KCNMA1: variants seen among roughly 807,000 people sequenced by gnomAD.
KCNMA1 encodes the protein potassium calcium-activated channel subfamily M alpha 1, also known as Calcium-activated potassium channel subunit alpha-1.
KCNMA1 carries 29 observed loss-of-function variants against 140.0 expected under a neutral mutation model. The observed-to-expected ratio is 0.21, with a 90% CI of 0.15 to 0.28. The LOEUF (loss-of-function observed/expected upper bound fraction) is 0.28. KCNMA1 is among the 10% of genes least tolerant of loss of function. The pLI is 1.00. For synonymous variants in KCNMA1, 612 were observed against 611.9 expected, an observed-to-expected ratio of 1.00 and a Z score of 0.00; for missense variants, 880 against 1,602.2, an observed-to-expected ratio of 0.55 and a Z score of 7.70.
chr10:77,488,947 G>A (rs566720397), intron 1 of KCNMA1, among the ~76,000 whole-genome samples: 2 of 152,298 alleles, frequency 1.3e-5, no homozygotes, highest in Non-Finnish European at 2.9e-5. Flanking sequence ...GCCCAGTGTG[G>A]CTAGCCGGCT....
At chr10:76,930,513 C>T (rs1767362460) in intron 23 of KCNMA1, among the ~76,000 whole-genome samples, 1 of 152,136 alleles carries the variant, frequency 6.6e-6, no homozygotes, top group South Asian at 2.1e-4. Context: ...AACCCTTGTA[C>T]ACTGCTGGTG....
intron 23 of KCNMA1, among the ~76,000 whole-genome samples, chr10:76,924,747 G>C (rs2057164326): frequency 6.6e-6 from 1 of 152,086 alleles, no homozygotes; most frequent in African/African-American, 2.4e-5. Context: ...GAGTTTTCAG[G>C]CTTCCTAGTT....
chr10:77,121,574 T>TAA (rs76163676), intron 5 of KCNMA1, among the ~76,000 whole-genome samples: 3 of 126,102 alleles, frequency 2.4e-5, no homozygotes. Context: ...TTCCTCCCAA[T>TAA]AAAAAAAAAA....
At chr10:77,186,071 T>C (rs1565078474) in intron 3 of KCNMA1, among the ~76,000 whole-genome samples, 1 of 152,164 alleles carries the variant, frequency 6.6e-6, no homozygotes, top group Non-Finnish European at 1.5e-5. Flanking sequence ...CAATACCAGT[T>C]AGTATAGTTG....
At chr10:77,574,854 G>A (rs945298179) in intron 1 of KCNMA1, among the ~76,000 whole-genome samples, 9 of 152,178 alleles carry the variant, frequency 5.9e-5, no homozygotes, top group Non-Finnish European at 1.3e-4. Context: ...TTCCATGTCT[G>A]GTGCTTCATG....
At chr10:77,062,491 T>A (rs1053055960) in intron 14 of KCNMA1, among the ~76,000 whole-genome samples, 1 of 152,232 alleles carries the variant, frequency 6.6e-6, no homozygotes, top group African/African-American at 2.4e-5. Flanking sequence ...TTTCAAATGG[T>A]TGAGACTAAA....
At chr10:77,377,734 G>A (rs2095217163) in intron 2 of KCNMA1, among the ~76,000 whole-genome samples, 1 of 152,176 alleles carries the variant, frequency 6.6e-6, no homozygotes, top group Non-Finnish European at 1.5e-5. Context: ...TCCCTTGCTG[G>A]AGATCCTGGG....
intron 5 of KCNMA1, among the ~76,000 whole-genome samples, chr10:77,150,506 G>A (rs140228538): frequency 6.6e-6 from 1 of 152,286 alleles, no homozygotes; most frequent in African/African-American, 2.4e-5. Context: ...GGGCCAGAAA[G>A]GGACTGTAAG....
chr10:76,954,019 T>C (rs1431305464), intron 20 of KCNMA1, 95 bp from the exon 21 acceptor site: 11 of 1,382,156 alleles, frequency 8.0e-6, no homozygotes, highest in South Asian at 1.2e-5. Flanking sequence ...ATGTGAAAGA[T>C]GCAGAGGAAG....
intron 27 of KCNMA1, among the ~76,000 whole-genome samples, chr10:76,888,807 G>T (rs949923183): frequency 3.9e-5 from 6 of 152,188 alleles, no homozygotes; most frequent in African/African-American, 1.4e-4. Flanking sequence ...GCTCACACCT[G>T]TAAGCCCAGC....
At chr10:77,302,121 C>T (rs1022279232) in intron 2 of KCNMA1, among the ~76,000 whole-genome samples, 2 of 152,026 alleles carry the variant, frequency 1.3e-5, no homozygotes, top group Non-Finnish European at 2.9e-5. Context: ...GAATCAGGCT[C>T]GCATAAGGTC....
chr10:77,369,220 T>C (rs1009456393), intron 2 of KCNMA1, among the ~76,000 whole-genome samples: 2 of 152,176 alleles, frequency 1.3e-5, no homozygotes, highest in African/African-American at 4.8e-5. Flanking sequence ...AATCTGCATC[T>C]TAACAAGAAT....
chr10:77,455,986 G>A (rs1460545479), intron 1 of KCNMA1, among the ~76,000 whole-genome samples: 2 of 152,226 alleles, frequency 1.3e-5, no homozygotes, highest in Non-Finnish European at 2.9e-5. Flanking sequence ...GAATTGAACA[G>A]AAATGATCTG....
In KCNMA1 at chr10:76,891,588, G is replaced by A. The variant is rs2040088843; in HGVS notation, c.3279C>T (p.Ala1093=). Reference sequence around the variant, plus strand: ...GGGCCACGCGGCAGCGGTCCCTATTGGCCAGTGTCTGCGGGGTGCTGTAGC... The same window carrying A: ...GGGCCACGCGGCAGCGGTCCCTATTAGCCAGTGTCTGCGGGGTGCTGTAGC... The part of the protein sequence containing the change: ...RGGYSTPQTL[A]NRDRCRVAQL... Residue 1093 remains alanine (A), a synonymous_variant, in exon 26 of 28, where the codon GCC becomes GCT. Transcript: ENST00000286628. 1.2e-6 allele frequency: 2 copies of A among 1,613,828 alleles called. No homozygotes were observed. The highest frequency in any genetic ancestry group is 2.2e-5 in the East Asian group (1 of 44,862).
chr10:77,418,304 C>T (rs1263174191), intron 1 of KCNMA1, among the ~76,000 whole-genome samples: 2 of 152,180 alleles, frequency 1.3e-5, no homozygotes, highest in African/African-American at 2.4e-5. Flanking sequence ...CATCAATCTT[C>T]TCTCCATGGC....
intron 14 of KCNMA1, among the ~76,000 whole-genome samples, chr10:77,069,047 A>C (rs1331659778): frequency 6.6e-6 from 1 of 152,092 alleles, no homozygotes; most frequent in Middle Eastern, 3.2e-3. Context: ...ACAAAAACAA[A>C]TCAATGGATC....
At chr10:77,027,963 G>A (rs182014367) in intron 15 of KCNMA1, 72 bp from the exon 16 acceptor site, 7 of 1,307,880 alleles carry the variant, frequency 5.4e-6, no homozygotes, top group African/African-American at 1.4e-5. Context: ...ACACTATTAC[G>A]ATCTTTCGGT....
At chr10:76,958,569 G>A (rs1045071071) in intron 20 of KCNMA1, among the ~76,000 whole-genome samples, 2 of 152,170 alleles carry the variant, frequency 1.3e-5, no homozygotes, top group African/African-American at 4.8e-5. Flanking sequence ...GGTCTTTAAA[G>A]AAGTAATTAA....
chr10:77,290,069 C>CG (rs1275289925), intron 2 of KCNMA1, among the ~76,000 whole-genome samples: 3 of 152,152 alleles, frequency 2.0e-5, no homozygotes, highest in African/African-American at 7.2e-5. Context: ...AGGCACAGTT[C>CG]CACTGATTAT....
Sources: allele counts gnomAD v4.1 joint callset (sites outside exome capture counted in the v4.1 genomes callset), GRCh38; gene constraint gnomAD v4.1.1; transcripts MANE v1.5; gene names NCBI Gene and HGNC (gene_info 2026-07-23, HGNC 2026-07-21).